The following CHMP2B variants were observed in gnomAD, a reference collection of about 807,000 sequenced individuals.
CHMP2B encodes VPS2 homolog B.
In CHMP2B, 22 loss-of-function variants were observed where a neutral mutation model predicts 29.8. The ratio of observed to expected loss-of-function variants is 0.74; its 90% confidence interval spans 0.53 to 1.05. The LOEUF (loss-of-function observed/expected upper bound fraction) is 1.05. Among genes scored for constraint, CHMP2B ranks in the 50% least tolerant of loss-of-function variants. CHMP2B has a pLI of 0.00. For synonymous variants in CHMP2B, 78 were observed against 75.8 expected, an observed-to-expected ratio of 1.03 and a Z score of -0.15; for missense variants, 261 against 252.2, an observed-to-expected ratio of 1.03 and a Z score of -0.24.
chr3:87,240,458 G>A (rs1706095832), intron 1 of CHMP2B: 1 of 382,830 alleles, frequency 2.6e-6, no homozygotes, highest in Non-Finnish European at 5.0e-6. Flanking sequence ...TTACAGGCAT[G>A]TGCCACCACA....
In CHMP2B at chr3:87,253,433, G is replaced by A. The variant is rs760794461; in HGVS notation, c.454G>A (p.Gly152Ser). ...TGATACACTTGATGACATCTTTGACGGTTCTGATGACGAAGAAGAAAGCCA... is the reference window on the plus strand; with the variant it reads ...TGATACACTTGATGACATCTTTGACAGTTCTGATGACGAAGAAGAAAGCCA... ...INDTLDDIFD[G>S]SDDEEESQDI... is the part of the protein sequence containing the mutation. The change falls in exon 5 of 6, where the codon GGT becomes AGT. Residue 152 changes from glycine to serine, a missense_variant. Transcript: ENST00000263780. 6.8e-6 allele frequency: 11 copies of A among 1,610,698 alleles called. No homozygotes were observed. The highest frequency in any genetic ancestry group is 5.3e-5 in the African/African-American group (4 of 74,774).
chr3:87,229,715 G>T (rs1705873734), intron 1 of CHMP2B, among the ~76,000 whole-genome samples: 1 of 151,932 alleles, frequency 6.6e-6, no homozygotes, highest in African/African-American at 2.4e-5. Context: ...TTTTAAATCT[G>T]TTCCAGCAGT....
At chr3:87,250,243 G>T (rs1706290592) in intron 4 of CHMP2B, among the ~76,000 whole-genome samples, 1 of 151,890 alleles carries the variant, frequency 6.6e-6, no homozygotes, top group African/African-American at 2.4e-5. Flanking sequence ...TATAAGTCAA[G>T]CAGTTTCAGA....
chr3:87,245,886 G>C lies in CHMP2B; in HGVS notation c.299G>C (p.Gly100Ala), dbSNP rs749259755. 1.2e-6 allele frequency: 2 copies of C among 1,612,996 alleles called. No individual in the cohort carries two copies. The highest frequency in any genetic ancestry group is 2.2e-5 in the South Asian group (2 of 90,762). ...ATGAATTCCCAAATGAAGATGGCTG[G>C]AGCAATGTCTACTACAGCAAAAGTA... ...KVMNSQMKMAGAMSTTAKTMQ... is the reference protein window; with the variant it reads ...KVMNSQMKMAAAMSTTAKTMQ... The change falls in exon 3 of 6, where the codon GGA becomes GCA. Residue 100 changes from glycine to alanine, a missense_variant. Physicochemically the swap from Gly to Ala is moderately conservative, Grantham distance 60. Coordinates refer to ENST00000263780, the MANE Select transcript of CHMP2B (RefSeq NM_014043.4).
At chr3:87,240,510 A>G (rs879840864) in intron 1 of CHMP2B, 189 bp from the exon 2 acceptor site, 2 of 486,188 alleles carry the variant, frequency 4.1e-6, no homozygotes, top group Admixed American at 6.5e-5. Flanking sequence ...GGGTTTCTCC[A>G]TGTTGGTCAG....
Position 87,240,789 on chromosome 3 carries a change from T to A in CHMP2B, c.125T>A (p.Leu42Gln). ...GCTTTAGAGAAACAAGAAAAACAGC[T>A]GGTAAGTAGAACGTTAAATTTCAGT... ...RAALEKQEKQ[L>Q]ELEIKKMAKI... Residue 42 changes from leucine to glutamine, a missense_variant and splice_region_variant, in exon 2 of 6, where the codon CTG becomes CAG. By Grantham distance (113) the Leu-to-Gln change is moderately radical. Coordinates refer to ENST00000263780, the MANE Select transcript of CHMP2B (RefSeq NM_014043.4). The A allele has an allele frequency of 6.2e-7, 1 of 1,609,460 alleles. No individual in the cohort carries two copies. Among genetic ancestry groups the A allele is most frequent in the South Asian group, 1.1e-5 (1 of 91,008 alleles).
intron 4 of CHMP2B, among the ~76,000 whole-genome samples, chr3:87,252,116 C>T (rs1706322252): frequency 6.6e-6 from 1 of 151,872 alleles, no homozygotes; most frequent in African/African-American, 2.4e-5. Context: ...AGATGACTGA[C>T]TACCTTATGT....
intron 1 of CHMP2B, among the ~76,000 whole-genome samples, chr3:87,240,147 C>G (rs1026956088): frequency 6.6e-5 from 10 of 151,920 alleles, no homozygotes; most frequent in Non-Finnish European, 1.5e-5. Context: ...TGATGTAATA[C>G]TTTTGGTTAA....
At chr3:87,250,258 T>C (rs1039860075) in intron 4 of CHMP2B, among the ~76,000 whole-genome samples, 3 of 152,154 alleles carry the variant, frequency 2.0e-5, no homozygotes, top group Middle Eastern at 3.4e-3. Flanking sequence ...TTCAGAGTTA[T>C]GTCAACTCTT....
At chr3:87,235,173 G>A (rs1295754475) in intron 1 of CHMP2B, among the ~76,000 whole-genome samples, 1 of 152,056 alleles carries the variant, frequency 6.6e-6, no homozygotes, top group Non-Finnish European at 1.5e-5. Flanking sequence ...TGTAATCTTG[G>A]GATGGAATCA....
At chr3:87,231,656 A>G (rs973478307) in intron 1 of CHMP2B, among the ~76,000 whole-genome samples, 1 of 152,066 alleles carries the variant, frequency 6.6e-6, no homozygotes, top group East Asian at 1.9e-4. Context: ...CTTTCTTTCT[A>G]GCCATGTCTC....
intron 1 of CHMP2B, among the ~76,000 whole-genome samples, chr3:87,235,021 C>T (rs888988260): frequency 3.3e-5 from 5 of 152,092 alleles, no homozygotes; most frequent in African/African-American, 1.2e-4. Flanking sequence ...TAAGAGGAAT[C>T]CTTTCACATT....
intron 1 of CHMP2B, among the ~76,000 whole-genome samples, chr3:87,237,009 C>T (rs577048470): frequency 2.0e-5 from 3 of 152,228 alleles, no homozygotes; most frequent in African/African-American, 7.2e-5. Context: ...TCTATGGAAA[C>T]AGTGGGGTAA....
chr3:87,245,375 C>T (rs1706192104), intron 2 of CHMP2B, among the ~76,000 whole-genome samples: 1 of 151,320 alleles, frequency 6.6e-6, no homozygotes, highest in Non-Finnish European at 1.5e-5. Context: ...TCTGTCCCAC[C>T]AACTCTTTGC....
chr3:87,249,840 TG>T, intron 3 of CHMP2B, 34 bp from the exon 4 acceptor site: 1 of 1,307,508 alleles, frequency 7.6e-7, no homozygotes, highest in Non-Finnish European at 1.1e-6. Context: ...TTCATAATTA[TG>T]GAAGTAACAT....
At chr3:87,243,115 A>G (rs1162617961) in intron 2 of CHMP2B, among the ~76,000 whole-genome samples, 1 of 152,102 alleles carries the variant, frequency 6.6e-6, no homozygotes, top group Non-Finnish European at 1.5e-5. Context: ...GTATCTCTCC[A>G]TTATTTAGAT....
At position 87,249,985 on chromosome 3, in the gene CHMP2B, T is replaced by C. The variant is rs767444653; in HGVS notation, c.424+8T>C. 2.8e-6 allele frequency: 4 copies of C among 1,417,288 alleles called. No individual in the cohort carries two copies. In the East Asian group the frequency reaches 9.2e-5, roughly 33 times the overall value. 87.8% of individuals were successfully genotyped at this position (1,417,288 alleles called of 1,614,324 possible). ...AAATGACTGAAGAAATGAGTAAGTT[T>C]AATAAATTATAATGAAATTTATAGT... On this transcript the variant is annotated splice_region_variant and intron_variant, in intron 4 of 5. Coordinates refer to ENST00000263780, the MANE Select transcript of CHMP2B (RefSeq NM_014043.4).
chr3:87,246,746 T>C (rs1303458803), intron 3 of CHMP2B, among the ~76,000 whole-genome samples: 5 of 152,234 alleles, frequency 3.3e-5, no homozygotes, highest in Non-Finnish European at 5.9e-5. Context: ...TAAAGGACTC[T>C]GAGTCTTTCA....
At position 87,227,493 on chromosome 3, in the gene CHMP2B, A is replaced by G; in HGVS notation, c.-30A>G. 1 of 1,613,994 alleles carries G rather than the reference A, an allele frequency of 6.2e-7. No individual in the cohort carries two copies. Among genetic ancestry groups the G allele is most frequent in the African/African-American group, 1.3e-5 (1 of 75,034 alleles). On this transcript the variant is annotated 5_prime_UTR_variant, in exon 1 of 6. Coordinates refer to ENST00000263780, the MANE Select transcript of CHMP2B (RefSeq NM_014043.4). ...GCCAGCGTTGGGCCGGACCGGGCCG[A>G]GCCGGGCCGCCCGGGCGCAGTCTTT...
Sources: allele counts gnomAD v4.1 joint callset (sites outside exome capture counted in the v4.1 genomes callset), GRCh38; gene constraint gnomAD v4.1.1; transcripts MANE v1.5; gene names NCBI Gene and HGNC (gene_info 2026-07-23, HGNC 2026-07-21).